The following RPS6KA6 variants were observed in gnomAD, a reference collection of about 807,000 sequenced individuals.
RPS6KA6 encodes ribosomal protein S6 kinase alpha-6.
A neutral mutation model predicts 65.4 loss-of-function variants in RPS6KA6; 27 were observed. The observed-to-expected ratio is 0.41, with a 90% CI of 0.30 to 0.57. The LOEUF (loss-of-function observed/expected upper bound fraction) is 0.57, where lower values mean the gene tolerates loss of function less well. RPS6KA6 is among the 20% of genes least tolerant of loss of function. The pLI, the probability that RPS6KA6 is intolerant of heterozygous loss-of-function variation, is 0.24. For synonymous variants in RPS6KA6, 190 were observed against 184.2 expected (o/e 1.03, Z -0.26); for missense variants, 486 against 555.6 (o/e 0.87, Z 1.26).
At chrX:84,103,552 G>A (rs2034297845) in intron 17 of RPS6KA6, among the ~76,000 whole-genome samples, 1 of 110,685 alleles carries the variant, frequency 9.0e-6, no homozygotes, top group Admixed American at 9.7e-5. Flanking sequence ...ACAATGCCTG[G>A]CCTGTAGAAA....
intron 8 of RPS6KA6, among the ~76,000 whole-genome samples, chrX:84,122,123 G>A (rs865896196): frequency 3.6e-5 from 4 of 111,479 alleles, no homozygotes; most frequent in African/African-American, 9.8e-5. Context: ...ACTTCATATT[G>A]CTGAAAGAGG....
intron 1 of RPS6KA6, 113 bp from the exon 2 acceptor site, chrX:84,164,500 C>A (rs2035567777): frequency 4.0e-6 from 2 of 502,485 alleles, no homozygotes; most frequent in African/African-American, 2.4e-5. Flanking sequence ...TCCACACTTA[C>A]TGAAAAACAA....
rs1309847026 is a variant in RPS6KA6, at chrX:84,096,225, C to T, written c.1940G>A (p.Gly647Glu). ...IGNGKFSLSG[G>E]NWDNISDGAK... ...TCCGTCTGAAATATTGTCCCAGTTT[C>T]CACCACTCAAAGAGAATTTTCCATT... The change falls in exon 20 of 22, where the codon GGA becomes GAA. Residue 647 changes from glycine to glutamate, a missense_variant. Physicochemically the swap from Gly to Glu is moderately conservative, Grantham distance 98. This residue lies in a region of RPS6KA6 where 345 missense variants were observed against 375.0 expected (regional missense o/e 0.92). Transcript: ENST00000262752. 3.4e-6 allele frequency: 4 copies of T among 1,191,713 alleles called. No individual in the cohort carries two copies. The highest frequency in any genetic ancestry group is 3.4e-6 in the Non-Finnish European group (3 of 877,945).
At position 84,139,891 on chromosome X, in the gene RPS6KA6, A is replaced by T. The variant is rs773198699; in HGVS notation, c.502-4681T>A. 2.7e-5 allele frequency among the ~76,000 whole-genome samples: 3 copies of T among 112,107 alleles called. No individual in the cohort carries two copies. In the Admixed American group the frequency reaches 2.8e-4, roughly 11 times the overall value. ...CTGCCTTAGCTTACTACCTGGAAAG[A>T]GTTTCCAAGTGGTAGTACAGGGAGG... On this transcript the variant is annotated intron_variant, in intron 6 of 21. Transcript: ENST00000262752.
intron 6 of RPS6KA6, among the ~76,000 whole-genome samples, chrX:84,137,345 C>G (rs1057012010): frequency 2.7e-5 from 3 of 111,728 alleles, no homozygotes; most frequent in African/African-American, 9.8e-5. Context: ...CTGTAATTTA[C>G]CTAAACATTC....
At chrX:84,089,663 T>C (rs887958878) in intron 20 of RPS6KA6, among the ~76,000 whole-genome samples, 4 of 110,679 alleles carry the variant, frequency 3.6e-5, no homozygotes, top group Non-Finnish European at 7.6e-5. Flanking sequence ...GTTCTCTAGG[T>C]GGGGTCACAC....
In RPS6KA6 at chrX:84,164,399, T is replaced by C; in HGVS notation, c.82-12A>G. ...TTAAGACCATTTACCTGAAAAACATTGTTCAAAAATTGAGGTTCAAAAGTA... is the reference window on the plus strand; with the variant it reads ...TTAAGACCATTTACCTGAAAAACATCGTTCAAAAATTGAGGTTCAAAAGTA... On this transcript the variant is annotated splice_polypyrimidine_tract_variant and intron_variant, in intron 1 of 21. Transcript: ENST00000262752. The C allele has an allele frequency of 8.6e-7, 1 of 1,161,431 alleles. No individual in the cohort carries two copies. The highest frequency in any genetic ancestry group is 1.2e-6 in the Non-Finnish European group (1 of 853,895).
chrX:84,125,867 A>G (rs1440990222), intron 8 of RPS6KA6, among the ~76,000 whole-genome samples: 1 of 110,882 alleles, frequency 9.0e-6, no homozygotes, highest in Non-Finnish European at 1.9e-5. Flanking sequence ...AAATACATAA[A>G]TAAATAAATA....
chrX:84,089,729 G>T (rs1439634987), intron 20 of RPS6KA6, among the ~76,000 whole-genome samples: 1 of 111,255 alleles, frequency 9.0e-6, no homozygotes, highest in East Asian at 2.8e-4. Flanking sequence ...CCACTCTGAG[G>T]TGTGTCATCA....
rs974564964 is a variant in RPS6KA6 at position 84,059,560 on chromosome X, C to T, written c.*4717G>A. 4.5e-5 allele frequency: 5 copies of T among 112,110 alleles called. No individual in the cohort carries two copies. The highest frequency in any genetic ancestry group is 9.4e-5 in the Admixed American group (1 of 10,584). The allele number at this position is 112,110 out of a possible 1,213,427, so 9.2% of individuals were successfully genotyped here. A position where few individuals can be genotyped will look rare whatever the true frequency, so the allele number is the denominator to read the frequency against. On this transcript the variant is annotated 3_prime_UTR_variant, in exon 22 of 22. Transcript: ENST00000262752. Reference sequence around the variant, plus strand: ...TTTGGAAAGAGAAAGAAAATGTGACCTGAGCAATATTAGTTCATAGGAAAG... The same window carrying T: ...TTTGGAAAGAGAAAGAAAATGTGACTTGAGCAATATTAGTTCATAGGAAAG...
intron 20 of RPS6KA6, among the ~76,000 whole-genome samples, chrX:84,085,306 C>T (rs2147370879): frequency 9.0e-6 from 1 of 111,625 alleles, no homozygotes; most frequent in South Asian, 3.7e-4. Flanking sequence ...AGCTTTTGCC[C>T]ATTCAGTATG....
At chrX:84,133,751 AT>A (rs1362128062) in intron 8 of RPS6KA6, among the ~76,000 whole-genome samples, 1 of 111,760 alleles carries the variant, frequency 8.9e-6, no homozygotes, top group African/African-American at 3.2e-5. Flanking sequence ...TTATATAAAA[AT>A]CTCAAAACTC....
chrX:84,178,957 C>T (rs1322062031), intron 1 of RPS6KA6, among the ~76,000 whole-genome samples: 2 of 110,546 alleles, frequency 1.8e-5, no homozygotes, highest in African/African-American at 6.6e-5. Context: ...TGAAAAACCT[C>T]GACTCTTTAT....
At chrX:84,134,458 G>A (rs1383772772) in intron 8 of RPS6KA6, among the ~76,000 whole-genome samples, 1 of 111,312 alleles carries the variant, frequency 9.0e-6, no homozygotes, top group Admixed American at 9.6e-5. Context: ...GGAAGGTGGA[G>A]GGAAGGTTGT....
At chrX:84,175,441 T>C (rs888172648) in intron 1 of RPS6KA6, among the ~76,000 whole-genome samples, 2 of 111,887 alleles carry the variant, frequency 1.8e-5, no homozygotes, top group Non-Finnish European at 3.8e-5. Flanking sequence ...AGGTATTACA[T>C]AGCAATAATG....
At chrX:84,183,343 C>A (rs1284584687) in intron 1 of RPS6KA6, among the ~76,000 whole-genome samples, 1 of 111,594 alleles carries the variant, frequency 9.0e-6, no homozygotes, top group Non-Finnish European at 1.9e-5. Flanking sequence ...CTTTTCTACC[C>A]CTTCTGTACT....
intron 8 of RPS6KA6, among the ~76,000 whole-genome samples, chrX:84,123,937 C>T (rs1405826200): frequency 5.4e-5 from 6 of 111,252 alleles, no homozygotes; most frequent in Non-Finnish European, 1.9e-5. Context: ...TGTGTGGTGG[C>T]GGCCATAGGG....
chrX:84,081,981 C>A, intron 20 of RPS6KA6, among the ~76,000 whole-genome samples: 1 of 112,049 alleles, frequency 8.9e-6, no homozygotes, highest in Non-Finnish European at 1.9e-5. Context: ...GAACCCATAG[C>A]CAATATCATA....
At chrX:84,135,823 G>A (rs779898536) in intron 6 of RPS6KA6, among the ~76,000 whole-genome samples, 19 of 111,137 alleles carry the variant, frequency 1.7e-4, no homozygotes, top group African/African-American at 5.6e-4. Flanking sequence ...TAATGTATAC[G>A]AGTGTAATGG....
Sources: allele counts gnomAD v4.1 joint callset (sites outside exome capture counted in the v4.1 genomes callset), GRCh38; gene constraint gnomAD v4.1.1; regional missense constraint gnomAD v4.1.1; transcripts MANE v1.5; gene names NCBI Gene and HGNC (gene_info 2026-07-23, HGNC 2026-07-21).